Variants in CLNK observed in about 807,000 individuals in gnomAD.
The protein encoded by CLNK is cytokine dependent hematopoietic cell linker.
CLNK carries 74 observed loss-of-function variants against 68.6 expected under a neutral mutation model. That is an observed-to-expected ratio of 1.08 (90% CI 0.89 to 1.31). The LOEUF (loss-of-function observed/expected upper bound fraction) is 1.31, where lower values mean the gene tolerates loss of function less well. Ranked by LOEUF, CLNK falls within the 50% of genes most tolerant of loss-of-function variation. The pLI is 0.00. For missense variants in CLNK, 553 were observed against 515.3 expected (o/e 1.07, Z -0.71); for synonymous variants, 198 against 172.2 (o/e 1.15, Z -1.17).
intron 2 of CLNK, among the ~76,000 whole-genome samples, chr4:10,647,773 A>C (rs1361902951): frequency 6.6e-6 from 1 of 152,180 alleles, no homozygotes. Context: ...AAAATGTTTC[A>C]CTTGTTCATT....
At position 10,513,530 on chromosome 4, in the gene CLNK, G is replaced by C. The variant is rs192215241; in HGVS notation, c.840C>G (p.His280Gln). ...RCQPPASCSPHENILPYKYTS... is the reference protein window; with the variant it reads ...RCQPPASCSPQENILPYKYTS... ...TGTATTTATAGGGCAGTATATTTTC[G>C]TGAGGGCTGCAGCTGGCTGGAGGCT... Residue 280 changes from histidine to glutamine, a missense_variant, in exon 16 of 19, where the codon CAC becomes CAG. By Grantham distance (24) the His-to-Gln change is conservative. Transcript: ENST00000226951. The C allele has an allele frequency of 2.5e-6, 4 of 1,610,972 alleles. No individual in the cohort carries two copies. Among genetic ancestry groups the C allele is most frequent in the East Asian group, 2.2e-5 (1 of 44,806 alleles).
chr4:10,678,456 T>A (rs1276135076), intron 1 of CLNK, among the ~76,000 whole-genome samples: 3 of 152,234 alleles, frequency 2.0e-5, no homozygotes, highest in African/African-American at 7.2e-5. Context: ...TAATTTCTAT[T>A]ATTTTTCATT....
chr4:10,498,284 G>A (rs1056780130), intron 18 of CLNK, among the ~76,000 whole-genome samples: 1 of 152,080 alleles, frequency 6.6e-6, no homozygotes, highest in Non-Finnish European at 1.5e-5. Context: ...GAGGTCAGGA[G>A]ATCGAGACCA....
the CLNK span, among the ~76,000 whole-genome samples, chr4:10,701,893 G>T: frequency 3.3e-5 from 5 of 152,294 alleles, no homozygotes; most frequent in East Asian, 9.7e-4. Context: ...GGGAGAAAGC[G>T]TGGTTAGGCA....
chr4:10,690,390 G>A, the CLNK span, among the ~76,000 whole-genome samples: 6 of 152,196 alleles, frequency 3.9e-5, no homozygotes, highest in South Asian at 1.0e-3. Flanking sequence ...TCCTAGCCTC[G>A]TTTTGTTGCA....
At chr4:10,500,738 C>G (rs1312101905) in intron 18 of CLNK, among the ~76,000 whole-genome samples, 1 of 151,370 alleles carries the variant, frequency 6.6e-6, no homozygotes, top group Non-Finnish European at 1.5e-5. Context: ...TTTATCCTTT[C>G]TTGTGGATTG....
chr4:10,546,039 G>T (rs896136049), intron 8 of CLNK, among the ~76,000 whole-genome samples: 2 of 152,150 alleles, frequency 1.3e-5, no homozygotes, highest in Admixed American at 1.3e-4. Context: ...CTAGGCCTGT[G>T]ATAAGAGGGC....
At chr4:10,697,867 C>T in the CLNK span, among the ~76,000 whole-genome samples, 5 of 152,100 alleles carry the variant, frequency 3.3e-5, no homozygotes, top group Admixed American at 1.3e-4. Context: ...GAGAATAAAA[C>T]GAGGCTCATC....
At chr4:10,500,208 C>T (rs977222782) in intron 18 of CLNK, among the ~76,000 whole-genome samples, 20 of 152,308 alleles carry the variant, frequency 1.3e-4, no homozygotes, top group South Asian at 1.2e-3. Flanking sequence ...TAACTAACTT[C>T]GTTCCTTCCT....
chr4:10,601,576 T>C (rs1025803280), intron 2 of CLNK, among the ~76,000 whole-genome samples: 1 of 152,168 alleles, frequency 6.6e-6, no homozygotes, highest in Non-Finnish European at 1.5e-5. Flanking sequence ...GAAAATGTTA[T>C]TAAAGAATGT....
chr4:10,538,817 A>T (rs966845521), intron 11 of CLNK, among the ~76,000 whole-genome samples: 1 of 152,194 alleles, frequency 6.6e-6, no homozygotes, highest in East Asian at 1.9e-4. Flanking sequence ...GTTATATTCT[A>T]TGGGGCAACA....
At chr4:10,573,894 C>T (rs1668501930) in intron 4 of CLNK, among the ~76,000 whole-genome samples, 1 of 152,116 alleles carries the variant, frequency 6.6e-6, no homozygotes, top group South Asian at 2.1e-4. Flanking sequence ...TTCCCAAATG[C>T]TCATCATCCT....
At chr4:10,643,850 C>T (rs1723410065) in intron 2 of CLNK, among the ~76,000 whole-genome samples, 3 of 152,188 alleles carry the variant, frequency 2.0e-5, no homozygotes, top group African/African-American at 7.2e-5. Context: ...ATTTTATGCT[C>T]TTAGATGGTT....
At chr4:10,598,094 C>G in intron 2 of CLNK, 45 bp from the exon 3 acceptor site, 1 of 1,367,470 alleles carries the variant, frequency 7.3e-7, no homozygotes. Context: ...TAGCAAGAAG[C>G]TAGGGGAAAA....
At chr4:10,582,735 C>T (rs936337719) in intron 4 of CLNK, among the ~76,000 whole-genome samples, 1 of 151,994 alleles carries the variant, frequency 6.6e-6, no homozygotes, top group African/African-American at 2.4e-5. Context: ...AAATCATATG[C>T]TACTGTAGAA....
At chr4:10,661,457 C>T (rs574434650) in intron 2 of CLNK, among the ~76,000 whole-genome samples, 5 of 152,202 alleles carry the variant, frequency 3.3e-5, no homozygotes, top group African/African-American at 7.2e-5. Context: ...TATAAGATCA[C>T]GGATTTTGGA....
chr4:10,600,127 T>C (rs1441686023), intron 2 of CLNK, among the ~76,000 whole-genome samples: 1 of 152,210 alleles, frequency 6.6e-6, no homozygotes, highest in African/African-American at 2.4e-5. Flanking sequence ...CATCCCACAC[T>C]GTGGCCTCTG....
At chr4:10,591,202 A>G (rs1721166263) in intron 3 of CLNK, among the ~76,000 whole-genome samples, 2 of 152,286 alleles carry the variant, frequency 1.3e-5, no homozygotes, top group East Asian at 3.9e-4. Context: ...TGTCTCACAG[A>G]GGTAACGTAG....
At chr4:10,549,434 G>A (rs1719361324) in intron 8 of CLNK, among the ~76,000 whole-genome samples, 1 of 152,196 alleles carries the variant, frequency 6.6e-6, no homozygotes, top group African/African-American at 2.4e-5. Context: ...AGGAGGGTGA[G>A]CTTTGGAACT....
Sources: gnomAD v4.1 joint callset for allele counts (sites outside exome capture counted in the v4.1 genomes callset) on GRCh38, gnomAD v4.1.1 for gene constraint, MANE v1.5 for transcripts, NCBI Gene and HGNC (gene_info 2026-07-23, HGNC 2026-07-21) for gene names.